LIMS1: variants seen among roughly 807,000 people sequenced by gnomAD.
LIMS1 encodes the protein LIM and senescent cell antigen-like-containing domain protein 1.
LIMS1 carries 18 observed loss-of-function variants against 44.1 expected under a neutral mutation model. That is an observed-to-expected ratio of 0.41 (90% confidence interval 0.28 to 0.61). The LOEUF (loss-of-function observed/expected upper bound fraction) is 0.61, where lower values mean the gene tolerates loss of function less well. Among genes scored for constraint, LIMS1 ranks in the 20% least tolerant of loss-of-function variants. LIMS1 has a pLI of 0.32. For missense variants in LIMS1, 201 were observed against 422.0 expected, an observed-to-expected ratio of 0.48 and a Z score of 4.59; for synonymous variants, 93 against 149.1, an observed-to-expected ratio of 0.62 and a Z score of 2.74.
intron 1 of LIMS1, among the ~76,000 whole-genome samples, chr2:108,638,279 C>G (rs931108027): frequency 6.6e-6 from 1 of 152,212 alleles, no homozygotes; most frequent in East Asian, 1.9e-4. Flanking sequence ...AGGAAAGTTA[C>G]GCCAAAGGCA....
intron 2 of LIMS1, among the ~76,000 whole-genome samples, chr2:108,669,598 TAATC>T (rs962619906): frequency 1.3e-5 from 2 of 151,980 alleles, no homozygotes; most frequent in Non-Finnish European, 2.9e-5. Context: ...TGGATTTTAA[TAATC>T]AAACAGTGTA....
chr2:108,595,053 A>C (rs1388364443), intron 1 of LIMS1, among the ~76,000 whole-genome samples: 5 of 152,222 alleles, frequency 3.3e-5, no homozygotes, highest in Non-Finnish European at 7.3e-5. Flanking sequence ...TGCTCTTGAA[A>C]GAATGTGACC....
chr2:108,642,368 T>A (rs2148922158), intron 1 of LIMS1, among the ~76,000 whole-genome samples: 1 of 47,760 alleles, frequency 2.1e-5, no homozygotes, highest in Non-Finnish European at 4.8e-5. Context: ...GTTTTTTGTT[T>A]TTTTTTTTTG....
intron 1 of LIMS1, among the ~76,000 whole-genome samples, chr2:108,571,271 G>A (rs1344218255): frequency 6.6e-6 from 1 of 152,144 alleles, no homozygotes; most frequent in Admixed American, 6.6e-5. Context: ...GGAGGGAGAA[G>A]GAAGATCTTT....
intron 1 of LIMS1, among the ~76,000 whole-genome samples, chr2:108,574,290 A>G (rs991635474): frequency 3.3e-5 from 5 of 152,164 alleles, no homozygotes; most frequent in South Asian, 2.1e-4. Context: ...AAGCTTTGGG[A>G]AAAAGGCATT....
chr2:108,640,993 A>G (rs1373126861), intron 1 of LIMS1, among the ~76,000 whole-genome samples: 1 of 151,988 alleles, frequency 6.6e-6, no homozygotes, highest in Non-Finnish European at 1.5e-5. Context: ...CTGTGAGTTC[A>G]ATTGTATTTT....
At chr2:108,536,017 TAAA>T (rs1233977657) in intron 1 of LIMS1, among the ~76,000 whole-genome samples, 4 of 151,970 alleles carry the variant, frequency 2.6e-5, no homozygotes, top group Admixed American at 1.3e-4. Context: ...CTTTTTTCCT[TAAA>T]AAAAAGTATT....
chr2:108,586,673 A>C (rs1465294787), intron 1 of LIMS1, among the ~76,000 whole-genome samples: 1 of 152,202 alleles, frequency 6.6e-6, no homozygotes, highest in Non-Finnish European at 1.5e-5. Context: ...GCTGGGACTC[A>C]GAAAAACATC....
chr2:108,536,575 G>C (rs568707131), intron 1 of LIMS1, among the ~76,000 whole-genome samples: 1 of 152,288 alleles, frequency 6.6e-6, no homozygotes, highest in African/African-American at 2.4e-5. Flanking sequence ...CAAATAGACA[G>C]GTGTTTGTTG....
chr2:108,647,266 A>G lies in LIMS1; in HGVS notation c.33-12339A>G, dbSNP rs1690136199. Among the ~76,000 whole-genome samples, 5 of 152,314 alleles carry G rather than the reference A, an allele frequency of 3.3e-5. No individual in the cohort carries two copies. In the South Asian group the frequency reaches 1.0e-3, roughly 32 times the overall value. On this transcript the variant is annotated intron_variant, in intron 1 of 9. Transcript: ENST00000544547. The stretch of plus-strand genomic sequence containing the variant: ...TACACCCTCCCAAGACTAAACCAAG[A>G]AGAAGTCAAATCCCTGAATAGACCA...
chr2:108,556,715 T>C (rs193148593), intron 1 of LIMS1, among the ~76,000 whole-genome samples: 214 of 152,266 alleles, frequency 1.4e-3, no homozygotes, highest in African/African-American at 4.8e-3. Flanking sequence ...AGCAAACTGT[T>C]CTCATGAATG....
intron 1 of LIMS1, among the ~76,000 whole-genome samples, chr2:108,642,360 TTTTTG>T (rs1558824125): frequency 0.015 from 325 of 21,442 alleles, 28 homozygotes; most frequent in Non-Finnish European, 0.026. Flanking sequence ...TTTTTTTTGT[TTTTTG>T]TTTTTTTTTT....
intron 1 of LIMS1, chr2:108,588,340 A>G (rs1686205562): frequency 1.0e-6 from 1 of 985,224 alleles, no homozygotes; most frequent in Non-Finnish European, 1.2e-6. Flanking sequence ...CAAAGCTAAG[A>G]TGAGGAAGTT....
intron 1 of LIMS1, among the ~76,000 whole-genome samples, chr2:108,641,283 A>G (rs186220710): frequency 5.3e-5 from 8 of 152,026 alleles, no homozygotes; most frequent in Admixed American, 5.2e-4. Context: ...TTAAGATATC[A>G]TAAAGTTTGG....
intron 1 of LIMS1, among the ~76,000 whole-genome samples, chr2:108,587,652 C>A (rs1686175839): frequency 6.6e-6 from 1 of 152,192 alleles, no homozygotes; most frequent in Admixed American, 6.5e-5. Flanking sequence ...AGGACACCCT[C>A]ATTCATGGAA....
chr2:108,671,635 A>G (rs1475634770), intron 3 of LIMS1, among the ~76,000 whole-genome samples: 1 of 152,194 alleles, frequency 6.6e-6, no homozygotes, highest in African/African-American at 2.4e-5. Context: ...AGAATGTTCT[A>G]AAGGTTTAAT....
At chr2:108,668,626 G>C (rs549453345) in intron 2 of LIMS1, among the ~76,000 whole-genome samples, 1 of 152,244 alleles carries the variant, frequency 6.6e-6, no homozygotes, top group South Asian at 2.1e-4. Flanking sequence ...TGGAAAGTTA[G>C]GTTGCTTCCA....
chr2:108,646,048 G>A (rs1391687405), intron 1 of LIMS1, among the ~76,000 whole-genome samples: 1 of 152,084 alleles, frequency 6.6e-6, no homozygotes, highest in Non-Finnish European at 1.5e-5. Flanking sequence ...CAATAATAGT[G>A]GGAGACTTTA....
intron 1 of LIMS1, among the ~76,000 whole-genome samples, chr2:108,608,185 A>G (rs1440248307): frequency 6.6e-6 from 1 of 151,930 alleles, no homozygotes; most frequent in Non-Finnish European, 1.5e-5. Flanking sequence ...ACTTTTGTGC[A>G]TATCTTTATA....
Sources: gnomAD v4.1 joint callset for allele counts (sites outside exome capture counted in the v4.1 genomes callset) on GRCh38, gnomAD v4.1.1 for gene constraint, MANE v1.5 for transcripts, NCBI Gene and HGNC (gene_info 2026-07-23, HGNC 2026-07-21) for gene names.